Variants in ADGRF3 observed in about 807,000 individuals in gnomAD.
ADGRF3 encodes the protein G protein-coupled receptor 113.
In ADGRF3, 85 loss-of-function variants were observed where a neutral mutation model predicts 93.2. The observed-to-expected ratio is 0.91, with a 90% confidence interval of 0.77 to 1.09. The LOEUF is 1.09. Ranked by LOEUF, ADGRF3 falls within the 50% of genes least tolerant of loss-of-function variation. The pLI is 0.00. For synonymous variants in ADGRF3, 534 were observed against 532.5 expected, an observed-to-expected ratio of 1.00 and a Z score of -0.04; for missense variants, 1,125 against 1,246.2, an observed-to-expected ratio of 0.90 and a Z score of 1.46.
rs1674604779 is a variant in ADGRF3, at chr2:26,315,833, C to T, written c.500-93G>A. ...TGGCTTCTCCCCTGACTCTGGAGCC[C>T]ATTCCTCCACACTCCCTCCCTAGCT... On this transcript the variant is annotated intron_variant, in intron 4 of 13. Coordinates refer to ENST00000651242, the MANE Select transcript of ADGRF3 (RefSeq NM_001321971.2). 2.0e-6 allele frequency: 3 copies of T among 1,502,990 alleles called. No homozygotes were observed. The South Asian group carries it at 3.8e-5, about 19-fold the overall frequency. 93.1% of individuals were successfully genotyped at this position (1,502,990 alleles called of 1,614,324 possible). A position where few individuals can be genotyped will look rare whatever the true frequency, so the allele number is the denominator to read the frequency against.
intron 1 of ADGRF3, among the ~76,000 whole-genome samples, chr2:26,335,418 C>G (rs1457343587): frequency 6.6e-6 from 1 of 152,178 alleles, no homozygotes; most frequent in African/African-American, 2.4e-5. Flanking sequence ...TTTTATTTAT[C>G]CATTCAGCAG....
At chr2:26,323,583 G>A (rs367709620) in intron 1 of ADGRF3, among the ~76,000 whole-genome samples, 2 of 151,310 alleles carry the variant, frequency 1.3e-5, no homozygotes, top group East Asian at 1.9e-4. Context: ...GATTACAGGC[G>A]TGAGCCACAA....
chr2:26,341,570 T>C (rs1171252937), intron 1 of ADGRF3, among the ~76,000 whole-genome samples: 3 of 152,124 alleles, frequency 2.0e-5, no homozygotes, highest in Admixed American at 1.3e-4. Context: ...CATTCTTACC[T>C]AAGAGGATTA....
chr2:26,315,109 G>A (rs914624043), intron 5 of ADGRF3, among the ~76,000 whole-genome samples: 16 of 152,314 alleles, frequency 1.1e-4, no homozygotes, highest in African/African-American at 3.6e-4. Flanking sequence ...TCTCCCATCT[G>A]CATTTGCATT....
Position 26,314,463 on chromosome 2 carries a change from G to C in ADGRF3, c.879C>G (p.Ser293Arg). The part of the protein sequence containing the change: ...PGFQLSCCIP[S>R]TNLAYTAAWS... Reference sequence around the variant, plus strand: ...AGGCCGCGGTGTAGGCCAGGTTTGTGCTGGGGATGCAGCAGCTCAGCTGGA... The same window carrying C: ...AGGCCGCGGTGTAGGCCAGGTTTGTCCTGGGGATGCAGCAGCTCAGCTGGA... The change falls in exon 6 of 14, where the codon AGC becomes AGG. Residue 293 changes from serine to arginine, a missense_variant. By Grantham distance (110) the Ser-to-Arg change is moderately radical. Transcript: ENST00000651242. 6.2e-7 allele frequency: 1 copy of C among 1,614,030 alleles called. No individual in the cohort carries two copies. Among genetic ancestry groups the C allele is most frequent in the Admixed American group, 1.7e-5 (1 of 60,026 alleles).
At chr2:26,342,276 T>C (rs1424022461) in intron 1 of ADGRF3, among the ~76,000 whole-genome samples, 2 of 152,196 alleles carry the variant, frequency 1.3e-5, no homozygotes, top group Non-Finnish European at 2.9e-5. Flanking sequence ...GGCTCAGGAT[T>C]GTTAGTCATG....
Position 26,313,127 on chromosome 2 carries a change from G to A in ADGRF3, c.1270-5C>T. The A allele has an allele frequency of 1.2e-6, 2 of 1,613,514 alleles. No homozygotes were observed. Among genetic ancestry groups the A allele is most frequent in the Non-Finnish European group, 1.7e-6 (2 of 1,179,702 alleles). On this transcript the variant is annotated splice_polypyrimidine_tract_variant and splice_region_variant and intron_variant, in intron 8 of 13. Transcript: ENST00000651242. ...GCCCTGGCCTGCCTGCAGCAGCTGA[G>A]ACAGACGAGACAGCATGAAGTGGGA...
intron 5 of ADGRF3, chr2:26,314,895 C>G (rs1295206798): frequency 6.7e-6 from 3 of 445,494 alleles, no homozygotes; most frequent in African/African-American, 3.9e-5. Context: ...TGCACCACCC[C>G]TGCCATTTTA....
At chr2:26,329,765 GTTC>G (rs1279119137) in intron 1 of ADGRF3, among the ~76,000 whole-genome samples, 1 of 152,090 alleles carries the variant, frequency 6.6e-6, no homozygotes. Context: ...TTCCCATTTG[GTTC>G]TTCTTTATAT....
chr2:26,311,936 C>A lies in ADGRF3; in HGVS notation c.1588G>T (p.Asp530Tyr). 6.2e-7 allele frequency: 1 copy of A among 1,613,816 alleles called. No individual in the cohort carries two copies. Among genetic ancestry groups the A allele is most frequent in the Non-Finnish European group, 8.5e-7 (1 of 1,179,864 alleles). The change falls in exon 10 of 14, where the codon GAC (aspartate) becomes TAC (tyrosine). Residue 530 changes from aspartate (D) to tyrosine (Y), a missense_variant. Transcript: ENST00000651242. ...ETLACSLCPQDHPFAFSLPNV... is the reference protein window; with the variant it reads ...ETLACSLCPQYHPFAFSLPNV... ...GGTAAGCTGAAGGCGAAGGGGTGGT[C>A]CTGTGGGCACAGGCTGCATGCCAGG...
rs151299338 is a variant in ADGRF3, at chr2:26,309,452, T to C, written c.2993+74A>G. On this transcript the variant is annotated intron_variant, in intron 13 of 13. Coordinates refer to ENST00000651242, the MANE Select transcript of ADGRF3 (RefSeq NM_001321971.2). ...AAGAGGAGGCTTCTCTCCAGCACTTTGCCAGGAGGCCCTTTGCCACACCGT... is the reference window on the plus strand; with the variant it reads ...AAGAGGAGGCTTCTCTCCAGCACTTCGCCAGGAGGCCCTTTGCCACACCGT... The C allele has an allele frequency of 1.7e-3, 2,589 of 1,568,818 alleles. 11 individuals are homozygous for C. The highest frequency in any genetic ancestry group is 0.016 in the African/African-American group (1,195 of 74,110).
chr2:26,329,462 G>T (rs763161018), intron 1 of ADGRF3, among the ~76,000 whole-genome samples: 8 of 152,190 alleles, frequency 5.3e-5, no homozygotes, highest in Non-Finnish European at 1.0e-4. Flanking sequence ...ATAAAGGAAA[G>T]GGCCTTGAGG....
chr2:26,316,470 G>T (rs769584281), intron 3 of ADGRF3, 22 bp from the exon 4 acceptor site: 3 of 1,548,076 alleles, frequency 1.9e-6, no homozygotes, highest in Admixed American at 2.0e-5. Flanking sequence ...AAGAGAAGAG[G>T]GGGTGGGCAG....
intron 1 of ADGRF3, among the ~76,000 whole-genome samples, chr2:26,320,950 T>C (rs1675113197): frequency 6.6e-6 from 1 of 152,218 alleles, no homozygotes; most frequent in Non-Finnish European, 1.5e-5. Flanking sequence ...CTAGAATATT[T>C]CTGGAAGAAT....
At chr2:26,336,335 T>TGTGTGTGTGTGA (rs751675380) in intron 1 of ADGRF3, among the ~76,000 whole-genome samples, 11 of 151,316 alleles carry the variant, frequency 7.3e-5, no homozygotes, top group South Asian at 2.1e-4. Context: ...TGTGTGTGTG[T>TGTGTGTGTGTGA]GAGTGTGTGT....
At position 26,313,285 on chromosome 2, in the gene ADGRF3, G is replaced by A. The variant is rs539815287; in HGVS notation, c.1269+92C>T. ...AGAGAAGCTGAACAGCCTGTGGGCT[G>A]GGCCTTGGGGAAAAGGGTCTGCAAG... On this transcript the variant is annotated intron_variant, in intron 8 of 13. Coordinates refer to ENST00000651242, the MANE Select transcript of ADGRF3 (RefSeq NM_001321971.2). 2.7e-3 allele frequency: 3,785 copies of A among 1,427,862 alleles called. 6 individuals carry two copies. Among genetic ancestry groups the A allele is most frequent in the Middle Eastern group, 5.6e-3 (29 of 5,198 alleles). The allele number at this position is 1,427,862 out of a possible 1,614,324, so 88.4% of individuals were successfully genotyped here.
intron 1 of ADGRF3, among the ~76,000 whole-genome samples, chr2:26,323,055 C>T (rs1170623402): frequency 6.6e-6 from 1 of 152,124 alleles, no homozygotes. Context: ...ATGAGAATCA[C>T]TTGAACCCAG....
At position 26,315,519 on chromosome 2, in the gene ADGRF3, T is replaced by A; in HGVS notation, c.718+3A>T. 1 of 1,549,242 alleles carries A rather than the reference T, an allele frequency of 6.5e-7. No individual in the cohort carries two copies. Among genetic ancestry groups the A allele is most frequent in the Non-Finnish European group, 8.7e-7 (1 of 1,145,222 alleles). ...GGAGGCAAGGAGAGGACAGGCTGGC[T>A]ACCTGCCCAGTGATGGGACATGTTG... On this transcript the variant is annotated splice_donor_region_variant and intron_variant, in intron 5 of 13. Transcript: ENST00000651242.
intron 13 of ADGRF3, 25 bp downstream of exon 13, chr2:26,309,501 G>C: frequency 6.2e-7 from 1 of 1,607,808 alleles, no homozygotes. Context: ...TGCTTACGCT[G>C]CCCCTGAGAA....
Sources: gnomAD v4.1 joint callset for allele counts (sites outside exome capture counted in the v4.1 genomes callset) on GRCh38, gnomAD v4.1.1 for gene constraint, MANE v1.5 for transcripts, NCBI Gene and HGNC (gene_info 2026-07-23, HGNC 2026-07-21) for gene names.